TENM3: variants seen among roughly 807,000 people sequenced by gnomAD.
TENM3 encodes teneurin transmembrane protein 3.
TENM3 carries 63 observed loss-of-function variants against 255.1 expected under a neutral mutation model. The observed-to-expected ratio is 0.25, with a 90% CI of 0.20 to 0.30. TENM3 has a LOEUF of 0.30. Ranked by LOEUF, TENM3 falls within the 10% of genes least tolerant of loss-of-function variation. The probability of loss-of-function intolerance (pLI) is 1.00; values close to 1 mark genes in which losing one functional copy is unlikely to be tolerated. For synonymous variants in TENM3, 1,306 were observed against 1,322.3 expected, an observed-to-expected ratio of 0.99 and a Z score of 0.27; for missense variants, 2,929 against 3,461.1, an observed-to-expected ratio of 0.85 and a Z score of 3.86.
intron 1 of TENM3, among the ~76,000 whole-genome samples, chr4:182,213,340 A>T (rs1196910610): frequency 6.6e-6 from 1 of 152,224 alleles, no homozygotes; most frequent in African/African-American, 2.4e-5. Flanking sequence ...TATGTGAATT[A>T]CCATGCCACC....
intron 1 of TENM3, among the ~76,000 whole-genome samples, chr4:182,258,281 T>C (rs2150147404): frequency 6.6e-6 from 1 of 152,340 alleles, no homozygotes; most frequent in Admixed American, 6.5e-5. Flanking sequence ...GTAAACAGGT[T>C]GTTTGCTAAA....
intron 12 of TENM3, among the ~76,000 whole-genome samples, chr4:182,693,752 A>G (rs1485658203): frequency 6.6e-6 from 1 of 152,224 alleles, no homozygotes; most frequent in Non-Finnish European, 1.5e-5. Flanking sequence ...TGGGCAAGTC[A>G]TTTAACCTGT....
chr4:182,770,652 C>T (rs781208405), intron 22 of TENM3, among the ~76,000 whole-genome samples: 10 of 152,228 alleles, frequency 6.6e-5, no homozygotes, highest in Admixed American at 2.0e-4. Context: ...GCTATGTCAG[C>T]GTGAACACAT....
the TENM3 span, chr4:181,821,546 A>G: frequency 5.9e-5 from 9 of 152,258 alleles, no homozygotes; most frequent in Non-Finnish European, 1.3e-4. Context: ...TGTGGAATAT[A>G]TGAACTTACC....
rs1372822643 is a variant in TENM3 at position 182,789,637 on chromosome 4, TTAACG to T, written c.5601+250_5601+254del. Among the ~76,000 whole-genome samples the T allele has an allele frequency of 6.6e-6, 1 of 152,224 alleles. No individual in the cohort carries two copies. The highest frequency in any genetic ancestry group is 1.5e-5 in the Non-Finnish European group (1 of 68,036). On this transcript the variant is annotated intron_variant, in intron 25 of 27. Coordinates refer to ENST00000511685, the MANE Select transcript of TENM3 (RefSeq NM_001080477.4). This position sits in a 1 kb window ranked among gnomAD's most constrained non-coding sequence, Gnocchi z 4.4. ...GATTTATGATGTAAACAAATAAGCA[TTAACG>T]TTGTCCACCTGCCAAGCTTACACAT...
At chr4:181,552,572 A>G in the TENM3 span, among the ~76,000 whole-genome samples, 2 of 152,208 alleles carry the variant, frequency 1.3e-5, no homozygotes, top group African/African-American at 4.8e-5. Context: ...ATAAACCAAA[A>G]GCTTCTCTGA....
At chr4:181,669,743 C>T in the TENM3 span, among the ~76,000 whole-genome samples, 3 of 152,122 alleles carry the variant, frequency 2.0e-5, no homozygotes, top group African/African-American at 7.2e-5. Context: ...CACCTGGCTG[C>T]CTGTTCAGTG....
chr4:182,678,411 G>A (rs1755826059), intron 7 of TENM3, among the ~76,000 whole-genome samples: 1 of 152,088 alleles, frequency 6.6e-6, no homozygotes, highest in Non-Finnish European at 1.5e-5. Flanking sequence ...CCCCTCCATT[G>A]TTTAACTGTT....
At chr4:182,087,319 A>G in the TENM3 span, among the ~76,000 whole-genome samples, 1 of 152,324 alleles carries the variant, frequency 6.6e-6, no homozygotes, top group South Asian at 2.1e-4. Context: ...GTGTGGGCCA[A>G]TAGATGGAAA....
chr4:181,951,028 C>A, the TENM3 span, among the ~76,000 whole-genome samples: 1 of 152,078 alleles, frequency 6.6e-6, no homozygotes, highest in African/African-American at 2.4e-5. Context: ...GGCAACAGAG[C>A]AAGATCATAT....
the TENM3 span, among the ~76,000 whole-genome samples, chr4:181,762,023 C>A: frequency 6.6e-6 from 1 of 152,148 alleles, no homozygotes; most frequent in African/African-American, 2.4e-5. Flanking sequence ...CTGGATGATA[C>A]GTGCTCACAA....
At chr4:182,722,074 T>C (rs912948878) in intron 13 of TENM3, among the ~76,000 whole-genome samples, 1 of 152,196 alleles carries the variant, frequency 6.6e-6, no homozygotes, top group Non-Finnish European at 1.5e-5. Context: ...GTCTGAGGTT[T>C]ATCTTTTTAG....
intron 3 of TENM3, among the ~76,000 whole-genome samples, chr4:182,529,447 G>A (rs913013994): frequency 4.6e-5 from 7 of 152,124 alleles, no homozygotes; most frequent in African/African-American, 1.7e-4. Context: ...GGAAAGACAG[G>A]CCTTTTCTCT....
the TENM3 span, among the ~76,000 whole-genome samples, chr4:181,651,970 T>C: frequency 6.6e-6 from 1 of 152,168 alleles, no homozygotes; most frequent in South Asian, 2.1e-4. Context: ...TATAAAGATA[T>C]TAGCTTTCAA....
At position 182,751,941 on chromosome 4, in the gene TENM3, C is replaced by T. The variant is rs1285899088; in HGVS notation, c.3771C>T (p.Val1257=). The T allele has an allele frequency of 3.7e-6, 6 of 1,613,720 alleles. No homozygotes were observed. Among genetic ancestry groups the T allele is most frequent in the African/African-American group, 2.7e-5 (2 of 74,856 alleles). ...ACTTGACTAAAAATGCAGAAGTCGT[C>T]GCAGGGACAGGGGAGCAATGCCTTC... ...AKDLTKNAEV[V]AGTGEQCLPF... is the part of the protein sequence containing the mutation. Residue 1257 remains valine (V), a synonymous_variant, in exon 20 of 28, where the codon GTC becomes GTT. Transcript: ENST00000511685.
the TENM3 span, among the ~76,000 whole-genome samples, chr4:181,467,900 A>C: frequency 6.6e-6 from 1 of 152,178 alleles, no homozygotes; most frequent in East Asian, 1.9e-4. Flanking sequence ...TATATTATAT[A>C]TGTTAAAGAT....
chr4:181,693,000 T>A, the TENM3 span, among the ~76,000 whole-genome samples: 1 of 152,180 alleles, frequency 6.6e-6, no homozygotes, highest in South Asian at 2.1e-4. Flanking sequence ...GGGATCCCCT[T>A]GGAGCCCCAA....
chr4:181,541,912 T>C, the TENM3 span, among the ~76,000 whole-genome samples: 1 of 152,226 alleles, frequency 6.6e-6, no homozygotes, highest in Admixed American at 6.5e-5. Context: ...AGATGGACCA[T>C]TTGCCTGCAT....
chr4:182,066,139 T>C, the TENM3 span, among the ~76,000 whole-genome samples: 3,051 of 152,318 alleles, frequency 0.02, 97 homozygotes, highest in African/African-American at 0.07. Context: ...CCAATTTCTC[T>C]ACGTCCACAC....
Sources: allele counts gnomAD v4.1 joint callset (sites outside exome capture counted in the v4.1 genomes callset), GRCh38; gene constraint gnomAD v4.1.1; non-coding constraint Gnocchi (gnomAD v3.1); transcripts MANE v1.5; gene names NCBI Gene and HGNC (gene_info 2026-07-23, HGNC 2026-07-21).